HS6ST3: variants seen among roughly 807,000 people sequenced by gnomAD.
HS6ST3 encodes the protein heparan sulfate 6-O-sulfotransferase 3.
HS6ST3 carries 12 observed loss-of-function variants against 36.7 expected under a neutral mutation model. The observed-to-expected ratio is 0.33, with a 90% CI of 0.21 to 0.53. The LOEUF (loss-of-function observed/expected upper bound fraction) is 0.53. Among genes scored for constraint, HS6ST3 ranks in the 20% least tolerant of loss-of-function variants. The pLI is 0.95. For missense variants in HS6ST3, 584 were observed against 640.9 expected, an observed-to-expected ratio of 0.91 and a Z score of 0.96; for synonymous variants, 240 against 257.5, an observed-to-expected ratio of 0.93 and a Z score of 0.65.
chr13:96,199,623 G>C (rs1486223810), intron 1 of HS6ST3, among the ~76,000 whole-genome samples: 1 of 152,124 alleles, frequency 6.6e-6, no homozygotes, highest in Non-Finnish European at 1.5e-5. Flanking sequence ...CATTGCTTCT[G>C]TGTATTTCAT....
At chr13:96,241,241 C>T (rs1321459288) in intron 1 of HS6ST3, among the ~76,000 whole-genome samples, 6 of 151,008 alleles carry the variant, frequency 4.0e-5, no homozygotes, top group African/African-American at 7.3e-5. Context: ...TGATTTTTGT[C>T]GTATAACTCA....
chr13:96,095,399 A>G (rs2053785302), intron 1 of HS6ST3, among the ~76,000 whole-genome samples: 1 of 152,208 alleles, frequency 6.6e-6, no homozygotes, highest in Non-Finnish European at 1.5e-5. Context: ...TTTCTCTTTT[A>G]TAACGTGTAT....
chr13:96,132,683 G>T (rs1314783424), intron 1 of HS6ST3, among the ~76,000 whole-genome samples: 4 of 152,116 alleles, frequency 2.6e-5, no homozygotes, highest in Non-Finnish European at 5.9e-5. Context: ...TGGGATTGCA[G>T]GTATGAGCCA....
At chr13:96,193,827 C>A (rs183036969) in intron 1 of HS6ST3, among the ~76,000 whole-genome samples, 1 of 152,270 alleles carries the variant, frequency 6.6e-6, no homozygotes. Context: ...AAGCCCCTTT[C>A]TAGCCATCTT....
chr13:96,487,954 G>A (rs976438899), intron 1 of HS6ST3, among the ~76,000 whole-genome samples: 1 of 152,138 alleles, frequency 6.6e-6, no homozygotes, highest in African/African-American at 2.4e-5. Flanking sequence ...ACCTGAGACT[G>A]TCTAGTGTGG....
At chr13:96,218,437 G>A (rs2054438086) in intron 1 of HS6ST3, among the ~76,000 whole-genome samples, 1 of 152,170 alleles carries the variant, frequency 6.6e-6, no homozygotes, top group African/African-American at 2.4e-5. Flanking sequence ...AGACCTGGAG[G>A]GGCAGGGGAA....
In HS6ST3 at chr13:96,833,569, G is replaced by A; in HGVS notation, c.*371G>A. On this transcript the variant is annotated 3_prime_UTR_variant, in exon 2 of 2. Transcript: ENST00000376705. The stretch of plus-strand genomic sequence containing the variant: ...CACATGAAAAGCCAAATTATGGCTT[G>A]GATGTTCTGCTGAAACTGGTCTATG... 1 of 197,258 alleles carries A rather than the reference G, an allele frequency of 5.1e-6. No individual in the cohort carries two copies. Among genetic ancestry groups the A allele is most frequent in the Non-Finnish European group, 1.0e-5 (1 of 95,750 alleles). 12.2% of individuals were successfully genotyped at this position (197,258 alleles called of 1,614,324 possible).
At chr13:96,649,980 G>A (rs2056602089) in intron 1 of HS6ST3, among the ~76,000 whole-genome samples, 2 of 151,880 alleles carry the variant, frequency 1.3e-5, no homozygotes, top group African/African-American at 4.8e-5. Context: ...GCTCCTGTAA[G>A]TTATTCTTTC....
chr13:96,672,202 A>G (rs1158605645), intron 1 of HS6ST3, among the ~76,000 whole-genome samples: 2 of 152,234 alleles, frequency 1.3e-5, no homozygotes, highest in Admixed American at 1.3e-4. Flanking sequence ...CACTCCCAAT[A>G]CAGATGTATT....
chr13:96,535,068 A>G (rs1025315831), intron 1 of HS6ST3, among the ~76,000 whole-genome samples: 2 of 152,192 alleles, frequency 1.3e-5, no homozygotes, highest in Non-Finnish European at 2.9e-5. Context: ...TAGTGGGAAC[A>G]TATCTAGGCC....
intron 1 of HS6ST3, among the ~76,000 whole-genome samples, chr13:96,423,116 A>T (rs2055569478): frequency 6.6e-6 from 1 of 152,202 alleles, no homozygotes. Context: ...GTTTTTGGAA[A>T]GTAGTCATCC....
intron 1 of HS6ST3, among the ~76,000 whole-genome samples, chr13:96,592,762 T>C (rs546544680): frequency 1.2e-4 from 18 of 152,276 alleles, no homozygotes; most frequent in African/African-American, 4.1e-4. Flanking sequence ...ACGCCACTCT[T>C]TCCTGGCCTG....
At chr13:96,149,751 A>G (rs955053339) in intron 1 of HS6ST3, among the ~76,000 whole-genome samples, 1 of 152,250 alleles carries the variant, frequency 6.6e-6, no homozygotes, top group African/African-American at 2.4e-5. Flanking sequence ...TTTTACAGCC[A>G]AAGGATTTGA....
chr13:96,797,008 C>G (rs1489390957), intron 1 of HS6ST3, among the ~76,000 whole-genome samples: 1 of 152,060 alleles, frequency 6.6e-6, no homozygotes, highest in East Asian at 1.9e-4. Flanking sequence ...CTGAGGACAT[C>G]TGCCACCTTT....
chr13:96,404,158 A>C (rs1401539181), intron 1 of HS6ST3, among the ~76,000 whole-genome samples: 1 of 152,174 alleles, frequency 6.6e-6, no homozygotes, highest in Non-Finnish European at 1.5e-5. Context: ...CCATTTTTCC[A>C]AATCCCATGT....
At chr13:96,513,596 C>A (rs1340182920) in intron 1 of HS6ST3, among the ~76,000 whole-genome samples, 5 of 152,004 alleles carry the variant, frequency 3.3e-5, no homozygotes, top group Admixed American at 3.3e-4. Flanking sequence ...CTTACATTGT[C>A]TTAAATATTC....
intron 1 of HS6ST3, among the ~76,000 whole-genome samples, chr13:96,823,129 A>T (rs1348336489): frequency 2.6e-5 from 4 of 152,180 alleles, no homozygotes; most frequent in Admixed American, 2.6e-4. Context: ...GTGCCCCATG[A>T]TGTCAGGCCT....
At chr13:96,829,546 C>T (rs1287941150) in intron 1 of HS6ST3, among the ~76,000 whole-genome samples, 1 of 152,104 alleles carries the variant, frequency 6.6e-6, no homozygotes, top group Non-Finnish European at 1.5e-5. Flanking sequence ...GTGTTCTCAT[C>T]ATTTAGCTCC....
intron 1 of HS6ST3, among the ~76,000 whole-genome samples, chr13:96,162,218 A>G (rs890271462): frequency 2.0e-5 from 3 of 152,230 alleles, no homozygotes; most frequent in African/African-American, 7.2e-5. Context: ...TGGTAGACGG[A>G]TTCATAAGCT....
Sources: gnomAD v4.1 joint callset for allele counts (sites outside exome capture counted in the v4.1 genomes callset) on GRCh38, gnomAD v4.1.1 for gene constraint, MANE v1.5 for transcripts, NCBI Gene and HGNC (gene_info 2026-07-23, HGNC 2026-07-21) for gene names.